The following URB1 variants were observed in gnomAD, a reference collection of about 807,000 sequenced individuals.
URB1 encodes URB1 ribosome biogenesis factor, also known as nucleolar pre-ribosomal-associated protein 1.
URB1 carries 197 observed loss-of-function variants against 242.3 expected under a neutral mutation model. That is an observed-to-expected ratio of 0.81 (90% CI 0.72 to 0.91). URB1 has a LOEUF of 0.91. URB1 is among the 40% of genes least tolerant of loss of function. URB1 has a pLI of 0.00. For synonymous variants in URB1, 1,153 were observed against 1,201.8 expected, an observed-to-expected ratio of 0.96 and a Z score of 0.84; for missense variants, 2,721 against 2,860.5, an observed-to-expected ratio of 0.95 and a Z score of 1.11.
intron 28 of URB1, among the ~76,000 whole-genome samples, chr21:32,336,541 G>A (rs2032961686): frequency 6.6e-6 from 1 of 152,138 alleles, no homozygotes; most frequent in African/African-American, 2.4e-5. Context: ...GGTGAGGCAG[G>A]GCCCACAGGG....
In URB1 at chr21:32,350,738, A is replaced by T; in HGVS notation, c.2798T>A (p.Leu933His). The change falls in exon 20 of 39, where the codon CTC becomes CAC. Residue 933 changes from leucine (L) to histidine (H), a missense_variant. Transcript: ENST00000382751. ...GTTCTCCACAGTGCTCCGCAGGTAG[A>T]GCAACACCTGCTTGGCCGCGAGCAG... ...QVLLAAKQVLLYLRSTVENFG... is the reference protein window; with the variant it reads ...QVLLAAKQVLHYLRSTVENFG... 1 of 1,551,526 alleles carries T rather than the reference A, an allele frequency of 6.4e-7. No homozygotes were observed. The highest frequency in any genetic ancestry group is 8.7e-7 in the Non-Finnish European group (1 of 1,147,008).
intron 10 of URB1, among the ~76,000 whole-genome samples, chr21:32,365,310 G>C (rs1316478575): frequency 6.6e-6 from 1 of 152,088 alleles, no homozygotes; most frequent in Non-Finnish European, 1.5e-5. Flanking sequence ...AATTAGCTGG[G>C]TGTGGTGGTG....
In URB1 at chr21:32,368,505, T is replaced by C; in HGVS notation, c.1095A>G (p.Lys365=). ...ATTTGTTCAGTAAGTCCGGGCACAC[T>C]TTGAGGATGTTTACCACAAGGTCAG... ...LVADLVVNIL[K]VCPDLLNKYF... The change falls in exon 9 of 39, where the codon AAA becomes AAG. Residue 365 remains lysine (K), a synonymous_variant. Transcript: ENST00000382751. 6.4e-7 allele frequency: 1 copy of C among 1,551,788 alleles called. No homozygotes were observed. The highest frequency in any genetic ancestry group is 1.4e-5 in the African/African-American group (1 of 73,154).
chr21:32,333,082 T>G, intron 30 of URB1: 2 of 499,792 alleles, frequency 4.0e-6, no homozygotes, highest in Non-Finnish European at 7.1e-6. Flanking sequence ...AATTGGACAT[T>G]TCCAGATTTT....
Position 32,313,979 on chromosome 21 carries a change from T to C in URB1, c.*939A>G, listed in dbSNP as rs74935510. 0.01 allele frequency: 1,591 copies of C among 153,742 alleles called. 37 individuals are homozygous for C. The highest frequency in any genetic ancestry group is 0.088 in the East Asian group (459 of 5,198). 9.5% of individuals were successfully genotyped at this position (153,742 alleles called of 1,614,324 possible). A position where few individuals can be genotyped will look rare whatever the true frequency, so the allele number is the denominator to read the frequency against. ...TTACAAAAATAGACATTAACAAGCA[T>C]TTATAAAATTCAAAATCCCCTCTTT... On this transcript the variant is annotated 3_prime_UTR_variant, in exon 39 of 39. Transcript: ENST00000382751.
intron 6 of URB1, among the ~76,000 whole-genome samples, chr21:32,375,183 T>A (rs891261437): frequency 6.6e-6 from 1 of 152,244 alleles, no homozygotes; most frequent in Non-Finnish European, 1.5e-5. Flanking sequence ...TGTCTGGACA[T>A]CACTGGCTGC....
intron 1 of URB1, among the ~76,000 whole-genome samples, chr21:32,391,557 C>T (rs1373642900): frequency 1.3e-5 from 2 of 152,110 alleles, no homozygotes; most frequent in South Asian, 2.1e-4. Context: ...TTGTAAACCC[C>T]ACAATGGCAG....
At chr21:32,338,647 G>C (rs1568815494) in intron 26 of URB1, 60 bp downstream of exon 26, 6 of 1,533,310 alleles carry the variant, frequency 3.9e-6, no homozygotes, top group Admixed American at 3.9e-5. Flanking sequence ...TGCAGCCAGT[G>C]TAAGGAAATC....
Position 32,311,864 on chromosome 21 carries a change from C to T in URB1, c.*3054G>A, listed in dbSNP as rs575054047. Reference sequence around the variant, plus strand: ...AGCCGCTACGACAGGAGAGCTCCTCCACCTTGCCCCTCGGGGGTTTCCAGA... The same window carrying T: ...AGCCGCTACGACAGGAGAGCTCCTCTACCTTGCCCCTCGGGGGTTTCCAGA... On this transcript the variant is annotated 3_prime_UTR_variant, in exon 39 of 39. Coordinates refer to ENST00000382751, the MANE Select transcript of URB1 (RefSeq NM_014825.3). The T allele has an allele frequency of 1.9e-6, 3 of 1,614,156 alleles. No individual in the cohort carries two copies. The African/African-American group carries it at 4.0e-5, about 22-fold the overall frequency.
In URB1 at chr21:32,344,610, TTC is replaced by T; in HGVS notation, c.4215_4216del (p.Asn1406SerfsTer8). 2 of 1,552,396 alleles carry T rather than the reference TTC, an allele frequency of 1.3e-6. No homozygotes were observed. Among genetic ancestry groups the T allele is most frequent in the Non-Finnish European group, 1.7e-6 (2 of 1,147,152 alleles). ...TCTAAGCAGCATTTCCTTCTCCTGA[TTC>T]TGAGTATTATCATCATCTTGCTGTC... is the stretch of plus-strand genomic sequence containing the variant. On this transcript the variant is annotated frameshift_variant, in exon 24 of 39. Coordinates refer to ENST00000382751, the MANE Select transcript of URB1 (RefSeq NM_014825.3). LOFTEE classifies it high-confidence loss of function.
chr21:32,317,598 CAGAG>C, intron 37 of URB1, 74 bp downstream of exon 37: 1 of 1,505,170 alleles, frequency 6.6e-7, no homozygotes, highest in South Asian at 1.3e-5. Flanking sequence ...GGCTGAGAGA[CAGAG>C]AGAGAGGGAG....
intron 24 of URB1, among the ~76,000 whole-genome samples, chr21:32,343,324 T>C (rs2033051122): frequency 1.3e-5 from 2 of 152,210 alleles, no homozygotes; most frequent in Non-Finnish European, 2.9e-5. Flanking sequence ...AGTAGAATTC[T>C]ACTCAGCAAC....
In URB1 at chr21:32,311,452, C is replaced by T. The variant is rs2032568718; in HGVS notation, c.*3466G>A. On this transcript the variant is annotated 3_prime_UTR_variant, in exon 39 of 39. Coordinates refer to ENST00000382751, the MANE Select transcript of URB1 (RefSeq NM_014825.3). The stretch of plus-strand genomic sequence containing the variant: ...CTAAATCAATGTAGGAAGAAGTGGC[C>T]TCCAGGGAAAGACCTGAGGCCTAGT... 1.2e-5 allele frequency: 3 copies of T among 243,468 alleles called. No individual in the cohort carries two copies. The South Asian group carries it at 2.9e-4, about 24-fold the overall frequency. 15.1% of individuals were successfully genotyped at this position (243,468 alleles called of 1,614,324 possible). A position where few individuals can be genotyped will look rare whatever the true frequency, so the allele number is the denominator to read the frequency against.
At position 32,313,578 on chromosome 21, in the gene URB1, C is replaced by T. The variant is rs544182943; in HGVS notation, c.*1340G>A. Reference sequence around the variant, plus strand: ...GGTGAAGGGACTGTATGCCAACAAACGTTACTCATGCTTTAGTTAAAACTT... The same window carrying T: ...GGTGAAGGGACTGTATGCCAACAAATGTTACTCATGCTTTAGTTAAAACTT... On this transcript the variant is annotated 3_prime_UTR_variant, in exon 39 of 39. Transcript: ENST00000382751. The T allele has an allele frequency of 1.7e-4, 26 of 152,310 alleles. No homozygotes were observed. The highest frequency in any genetic ancestry group is 1.6e-3 in the Admixed American group (24 of 15,298). 9.4% of individuals were successfully genotyped at this position (152,310 alleles called of 1,614,324 possible).
chr21:32,319,400 G>T lies in URB1; in HGVS notation c.5609C>A (p.Pro1870Gln). Reference protein sequence around the residue: ...HILESKFLETPLLSNVISLLH... With the variant: ...HILESKFLETQLLSNVISLLH... Reference sequence around the variant, plus strand: ...CAAGGAGATCACATTAGACAGCAGCGGAGTCTCCAGAAACCTAAAACCAAG... The same window carrying T: ...CAAGGAGATCACATTAGACAGCAGCTGAGTCTCCAGAAACCTAAAACCAAG... The change falls in exon 36 of 39, where the codon CCG becomes CAG. Residue 1870 changes from proline (P) to glutamine (Q), a missense_variant. Transcript: ENST00000382751. 6.6e-7 allele frequency: 1 copy of T among 1,524,938 alleles called. No homozygotes were observed. Among genetic ancestry groups the T allele is most frequent in the East Asian group, 2.5e-5 (1 of 39,562 alleles). The allele number at this position is 1,524,938 out of a possible 1,614,324, so 94.5% of individuals were successfully genotyped here.
At chr21:32,318,754 C>T (rs568109126) in intron 36 of URB1, among the ~76,000 whole-genome samples, 1 of 152,312 alleles carries the variant, frequency 6.6e-6, no homozygotes, top group South Asian at 2.1e-4. Flanking sequence ...GAGGAAAATA[C>T]TGAAACATTC....
In URB1 at chr21:32,349,339, C is replaced by T. The variant is rs1320655598; in HGVS notation, c.2977G>A (p.Glu993Lys). Residue 993 changes from glutamate (E) to lysine (K), a missense_variant, in exon 21 of 39, where the codon GAG (glutamate) becomes AAG (lysine). Transcript: ENST00000382751. ...GCCAACTCCAGCGAGGCCACGGACTCCATGTCCAGGAAGAGGTCGGCTTCG... is the reference window on the plus strand; with the variant it reads ...GCCAACTCCAGCGAGGCCACGGACTTCATGTCCAGGAAGAGGTCGGCTTCG... ...RAEADLFLDM[E>K]SVASLELAND... 10 of 1,550,368 alleles carry T rather than the reference C, an allele frequency of 6.5e-6. No homozygotes were observed. Among genetic ancestry groups the T allele is most frequent in the Non-Finnish European group, 7.8e-6 (9 of 1,146,498 alleles).
In URB1 at chr21:32,357,667, A is replaced by G; in HGVS notation, c.1870-11T>C. 6.9e-7 allele frequency: 1 copy of G among 1,445,348 alleles called. No homozygotes were observed. The highest frequency in any genetic ancestry group is 2.7e-5 in the East Asian group (1 of 36,804). The allele number at this position is 1,445,348 out of a possible 1,614,324, so 89.5% of individuals were successfully genotyped here. A position where few individuals can be genotyped will look rare whatever the true frequency, so the allele number is the denominator to read the frequency against. On this transcript the variant is annotated splice_polypyrimidine_tract_variant and intron_variant, in intron 14 of 38. Coordinates refer to ENST00000382751, the MANE Select transcript of URB1 (RefSeq NM_014825.3). ...TGCATCTGGGCCTTCCTAGAGTTTA[A>G]ACAATATTACGTATTTTTAGTATAT... is the stretch of plus-strand genomic sequence containing the variant.
intron 30 of URB1, among the ~76,000 whole-genome samples, chr21:32,329,136 T>C (rs541549191): frequency 2.0e-5 from 3 of 149,420 alleles, no homozygotes; most frequent in South Asian, 2.1e-4. Context: ...GGCATGGTGG[T>C]GCACATTTGC....
Sources: allele counts gnomAD v4.1 joint callset (sites outside exome capture counted in the v4.1 genomes callset), GRCh38; gene constraint gnomAD v4.1.1; transcripts MANE v1.5; gene names NCBI Gene and HGNC (gene_info 2026-07-23, HGNC 2026-07-21).